The following CLASP1 variants were observed in gnomAD, a reference collection of about 807,000 sequenced individuals.
CLASP1 encodes the protein CLIP-associating protein 1.
Under a neutral mutation model 192.3 loss-of-function variants are expected in CLASP1, and 38 were observed. The observed-to-expected ratio is 0.20, with a 90% CI of 0.15 to 0.26. The LOEUF (loss-of-function observed/expected upper bound fraction) is 0.26, where lower values mean the gene tolerates loss of function less well. CLASP1 is among the 10% of genes least tolerant of loss of function. The pLI, the probability that CLASP1 is intolerant of heterozygous loss-of-function variation, is 1.00. For missense variants in CLASP1, 1,433 were observed against 1,932.5 expected (o/e 0.74, Z 4.85); for synonymous variants, 691 against 712.8 (o/e 0.97, Z 0.49).
chr2:121,589,247 G>GT (rs2062086291), intron 2 of CLASP1, among the ~76,000 whole-genome samples: 1 of 152,182 alleles, frequency 6.6e-6, no homozygotes, highest in African/African-American at 2.4e-5. Context: ...TTACAAAGGT[G>GT]TTTTTTGAAA....
At chr2:121,461,287 A>G in intron 10 of CLASP1, 94 bp from the exon 11 acceptor site, 1 of 680,948 alleles carries the variant, frequency 1.5e-6, no homozygotes, top group Non-Finnish European at 2.5e-6. Context: ...TAAGTATGGT[A>G]AAAGAAATTA....
At chr2:121,574,070 G>A (rs1046519722) in intron 2 of CLASP1, among the ~76,000 whole-genome samples, 55 of 152,182 alleles carry the variant, frequency 3.6e-4, no homozygotes, top group African/African-American at 1.3e-3. Flanking sequence ...ATAATGTACT[G>A]TATTCTTAAA....
intron 32 of CLASP1, among the ~76,000 whole-genome samples, chr2:121,386,620 C>T (rs535433997): frequency 6.6e-6 from 1 of 152,324 alleles, no homozygotes; most frequent in African/African-American, 2.4e-5. Flanking sequence ...AATGTTGATC[C>T]AATTTTAGTT....
chr2:121,510,698 C>T (rs796701715), intron 7 of CLASP1, among the ~76,000 whole-genome samples: 64 of 151,368 alleles, frequency 4.2e-4, no homozygotes, highest in African/African-American at 1.4e-3. Context: ...CTTGGGAGGC[C>T]GAGATGGAGC....
At chr2:121,410,827 T>G in intron 24 of CLASP1, 39 bp downstream of exon 25, 3 of 1,281,000 alleles carry the variant, frequency 2.3e-6, no homozygotes, top group Non-Finnish European at 3.3e-6. Context: ...CAGATGAGTA[T>G]TTCAAAAAGA....
chr2:121,532,377 G>C (rs1346895637), intron 2 of CLASP1: 1 of 152,174 alleles, frequency 6.6e-6, no homozygotes, highest in Admixed American at 6.5e-5. Flanking sequence ...CTTCCTTCCA[G>C]AGTACAGTAT....
At position 121,460,347 on chromosome 2, in the gene CLASP1, ATATAC is replaced by A. The variant is rs1275567068; in HGVS notation, c.1033-227_1033-223del. On this transcript the variant is annotated intron_variant, in intron 11 of 39. Coordinates refer to ENST00000263710, the Ensembl canonical transcript of CLASP1. Reference sequence around the variant, plus strand: ...TTTTTAACTAGAGTATTTGTGACACATATACTATAATTTCTGCAAAAAAAGTTTTA... The same window carrying A: ...TTTTTAACTAGAGTATTTGTGACACATATAATTTCTGCAAAAAAAGTTTTA... Among the ~76,000 whole-genome samples the A allele has an allele frequency of 2.6e-5, 4 of 152,218 alleles. No homozygotes were observed. The South Asian group carries it at 6.2e-4, about 24-fold the overall frequency.
chr2:121,579,241 T>TC (rs1329171235), intron 2 of CLASP1, among the ~76,000 whole-genome samples: 1 of 152,146 alleles, frequency 6.6e-6, no homozygotes, highest in Non-Finnish European at 1.5e-5. Flanking sequence ...ACAGAGGGGC[T>TC]GGGGGGATCT....
chr2:121,585,635 T>C (rs2061634202), intron 2 of CLASP1, among the ~76,000 whole-genome samples: 1 of 152,136 alleles, frequency 6.6e-6, no homozygotes, highest in Non-Finnish European at 1.5e-5. Flanking sequence ...GCATGGTGGC[T>C]ACTGCCTTTA....
At chr2:121,397,158 C>T (rs751911032) in exon 30 of CLASP1, 12 of 1,613,794 alleles carry the variant, frequency 7.4e-6, no homozygotes, top group Non-Finnish European at 9.3e-6. Context: ...CGTCTGAACT[C>T]TTTGGTTCTG....
chr2:121,547,729 C>T (rs943089700), intron 2 of CLASP1, among the ~76,000 whole-genome samples: 8 of 152,070 alleles, frequency 5.3e-5, no homozygotes, highest in African/African-American at 7.2e-5. Flanking sequence ...TGAGGAAATA[C>T]GGGGGAGCCA....
At chr2:121,599,275 T>G (rs2063505514) in intron 2 of CLASP1, among the ~76,000 whole-genome samples, 2 of 148,940 alleles carry the variant, frequency 1.3e-5, no homozygotes, top group South Asian at 4.3e-4. Flanking sequence ...ACTTCTCCAT[T>G]CTCTTTTCAG....
exon 22 of CLASP1, chr2:121,425,204 T>A: frequency 6.2e-7 from 1 of 1,613,444 alleles, no homozygotes; most frequent in Non-Finnish European, 8.5e-7. Context: ...CTTGCTTCGC[T>A]TTTCTGAAGA....
intron 19 of CLASP1, among the ~76,000 whole-genome samples, chr2:121,432,185 C>T (rs1392476464): frequency 2.0e-5 from 3 of 152,140 alleles, no homozygotes; most frequent in East Asian, 3.9e-4. Context: ...TGTGTGACCT[C>T]GGCTTACTGC....
intron 8 of CLASP1, among the ~76,000 whole-genome samples, chr2:121,475,497 G>A (rs1399173373): frequency 6.6e-6 from 1 of 152,152 alleles, no homozygotes; most frequent in African/African-American, 2.4e-5. Flanking sequence ...CATGGTTACA[G>A]TCCAGGATGA....
chr2:121,394,944 T>G (rs1403320071), intron 30 of CLASP1, among the ~76,000 whole-genome samples: 5 of 152,218 alleles, frequency 3.3e-5, no homozygotes, highest in African/African-American at 1.2e-4. Context: ...GTAATTTTTT[T>G]TGTCAAATTT....
intron 38 of CLASP1, 145 bp from the exon 40 acceptor site, chr2:121,347,299 T>C (rs1256919309): frequency 1.1e-5 from 7 of 620,736 alleles, no homozygotes; most frequent in Admixed American, 5.4e-5. Context: ...AGCCCCGCAA[T>C]GGAATCCAGA....
intron 26 of CLASP1, among the ~76,000 whole-genome samples, chr2:121,404,142 GATA>G (rs1247905316): frequency 6.6e-6 from 1 of 152,152 alleles, no homozygotes; most frequent in Non-Finnish European, 1.5e-5. Context: ...TTCTCTCCCT[GATA>G]ACATTTACTT....
chr2:121,425,973 C>T (rs1318564963), intron 21 of CLASP1, among the ~76,000 whole-genome samples: 1 of 151,988 alleles, frequency 6.6e-6, no homozygotes, highest in African/African-American at 2.4e-5. Context: ...AGGGAGACCC[C>T]ACTTCTCCAA....
Sources: allele counts gnomAD v4.1 joint callset (sites outside exome capture counted in the v4.1 genomes callset), GRCh38; gene constraint gnomAD v4.1.1; transcripts MANE v1.5; gene names NCBI Gene and HGNC (gene_info 2026-07-23, HGNC 2026-07-21).